TBL1XR1: variants seen among roughly 807,000 people sequenced by gnomAD.
TBL1XR1 encodes the protein TBL1X/Y related 1, also known as F-box-like/WD repeat-containing protein TBL1XR1.
TBL1XR1 carries 5 observed loss-of-function variants against 66.9 expected under a neutral mutation model. That is an observed-to-expected ratio of 0.07 (90% CI 0.04 to 0.16). The LOEUF (loss-of-function observed/expected upper bound fraction) is 0.16. Ranked by LOEUF, TBL1XR1 falls within the 10% of genes least tolerant of loss-of-function variation. The pLI is 1.00. For missense variants in TBL1XR1, 238 were observed against 623.2 expected (o/e 0.38, Z 6.58); for synonymous variants, 210 against 206.0 (o/e 1.02, Z -0.17).
intron 1 of TBL1XR1, among the ~76,000 whole-genome samples, chr3:177,180,020 T>A (rs1192792161): frequency 6.6e-6 from 1 of 151,930 alleles, no homozygotes; most frequent in Non-Finnish European, 1.5e-5. Flanking sequence ...CAGGCAATCA[T>A]GAGGTCAGGA....
intron 10 of TBL1XR1, among the ~76,000 whole-genome samples, chr3:177,044,209 AATAAC>A: frequency 6.6e-6 from 1 of 152,274 alleles, no homozygotes. Flanking sequence ...CTAGAAGTTT[AATAAC>A]ATATCTTCTG....
At chr3:177,068,883 T>C (rs1487291085) in intron 2 of TBL1XR1, among the ~76,000 whole-genome samples, 8 of 152,248 alleles carry the variant, frequency 5.3e-5, no homozygotes, top group African/African-American at 1.9e-4. Context: ...TGGACACTCT[T>C]TGCATGATCT....
intron 1 of TBL1XR1, among the ~76,000 whole-genome samples, chr3:177,157,250 T>G (rs1262984276): frequency 6.6e-6 from 1 of 152,200 alleles, no homozygotes; most frequent in East Asian, 1.9e-4. Context: ...CGGAGGCTCC[T>G]AAAGCAGATT....
intron 1 of TBL1XR1, chr3:177,136,144 T>A (rs1297653313): frequency 6.6e-6 from 1 of 152,132 alleles, no homozygotes; most frequent in African/African-American, 2.4e-5. Context: ...GTGCATCACA[T>A]GAAAGGCAAA....
intron 14 of TBL1XR1, chr3:177,032,273 A>C (rs1156365277): frequency 6.6e-6 from 1 of 152,218 alleles, no homozygotes; most frequent in Non-Finnish European, 1.5e-5. Flanking sequence ...GCATGTATGA[A>C]GTAATTTAAA....
At chr3:177,190,755 T>G (rs1336901680) in intron 1 of TBL1XR1, among the ~76,000 whole-genome samples, 1 of 152,214 alleles carries the variant, frequency 6.6e-6, no homozygotes, top group Non-Finnish European at 1.5e-5. Context: ...AAGAAGATGC[T>G]GCCACATTAC....
At chr3:177,198,947 A>G (rs942734249), upstream of TBL1XR1, among the ~76,000 whole-genome samples, 1 of 151,964 alleles carries the variant, frequency 6.6e-6, no homozygotes, top group Non-Finnish European at 1.5e-5. Flanking sequence ...TGGTGGCCTA[A>G]TAAGTTCAGT....
At position 177,034,294 on chromosome 3, in the gene TBL1XR1, T is replaced by C; in HGVS notation, c.1154A>G (p.His385Arg). 2 of 1,593,994 alleles carry C rather than the reference T, an allele frequency of 1.3e-6. No individual in the cohort carries two copies. Among genetic ancestry groups the C allele is most frequent in the Non-Finnish European group, 1.7e-6 (2 of 1,174,622 alleles). ...IWSMKQDNCVHDLQAHNKEIY... is the reference protein window; with the variant it reads ...IWSMKQDNCVRDLQAHNKEIY... ...TTCTTTATTATGTGCTTGCAAATCA[T>C]GGACACAATTGTCTTGTTTCATACT... is the stretch of plus-strand genomic sequence containing the variant. The change falls in exon 13 of 16, where the codon CAT becomes CGT. Residue 385 changes from histidine (H) to arginine (R), a missense_variant. Transcript: ENST00000457928.
At chr3:177,053,232 A>G (rs1295905244) in intron 4 of TBL1XR1, among the ~76,000 whole-genome samples, 1 of 152,244 alleles carries the variant, frequency 6.6e-6, no homozygotes. Context: ...CTCTGTCTCA[A>G]CTACTATTAT....
chr3:177,054,607 T>C (rs1717567211), intron 3 of TBL1XR1, among the ~76,000 whole-genome samples: 1 of 152,168 alleles, frequency 6.6e-6, no homozygotes, highest in Non-Finnish European at 1.5e-5. Context: ...AAATTCAGTA[T>C]TTTGGAGCTC....
At chr3:177,101,004 C>T (rs752924059) in intron 1 of TBL1XR1, among the ~76,000 whole-genome samples, 13 of 151,968 alleles carry the variant, frequency 8.6e-5, no homozygotes, top group Non-Finnish European at 1.5e-4. Flanking sequence ...TACCGGCACG[C>T]GCCACTACAC....
At chr3:177,098,963 T>A (rs891160958) in intron 1 of TBL1XR1, among the ~76,000 whole-genome samples, 5 of 152,212 alleles carry the variant, frequency 3.3e-5, no homozygotes, top group Non-Finnish European at 7.3e-5. Flanking sequence ...ACAATTTCAA[T>A]CAAAACTTAT....
At chr3:177,111,718 A>T (rs1478507741) in intron 1 of TBL1XR1, among the ~76,000 whole-genome samples, 1 of 152,120 alleles carries the variant, frequency 6.6e-6, no homozygotes, top group Non-Finnish European at 1.5e-5. Context: ...ACGTGTCAGG[A>T]ATCTCTTTGC....
chr3:177,138,101 G>A (rs1729206878), intron 1 of TBL1XR1, among the ~76,000 whole-genome samples: 2 of 152,144 alleles, frequency 1.3e-5, no homozygotes, highest in Non-Finnish European at 2.9e-5. Context: ...AGACATGAAA[G>A]GCTTTTCAAG....
intron 1 of TBL1XR1, among the ~76,000 whole-genome samples, chr3:177,172,613 C>T (rs574818627): frequency 1.2e-3 from 153 of 131,976 alleles, no homozygotes; most frequent in Middle Eastern, 4.2e-3. Context: ...AAGGCAAGAC[C>T]CTCATCTCAA....
At position 177,131,308 on chromosome 3, in the gene TBL1XR1, A is replaced by G. The variant is rs537865313; in HGVS notation, c.-121-32767T>C. On this transcript the variant is annotated intron_variant, in intron 1 of 15. Transcript: ENST00000457928. ...TTGCCTAATCATAAAGACCCTTAAG[A>G]GAGAGTCCAGGAAAAATAAAGAAAT... The G allele has an allele frequency of 1.1e-5, 11 of 983,852 alleles. No homozygotes were observed. The South Asian group carries it at 2.4e-4, about 21-fold the overall frequency. The allele number at this position is 983,852 out of a possible 1,614,324, so 60.9% of individuals were successfully genotyped here. A position where few individuals can be genotyped will look rare whatever the true frequency, so the allele number is the denominator to read the frequency against.
At position 177,020,650 on chromosome 3, in the gene TBL1XR1, A is replaced by T. The variant is rs1280946152; in HGVS notation, c.*4848T>A. ...AAGTAAAAGCAATTAAAATGTAAACAAACTGTAAACAAGAAATACCATCCC... is the reference window on the plus strand; with the variant it reads ...AAGTAAAAGCAATTAAAATGTAAACTAACTGTAAACAAGAAATACCATCCC... On this transcript the variant is annotated 3_prime_UTR_variant, in exon 16 of 16. Coordinates refer to ENST00000457928, the MANE Select transcript of TBL1XR1 (RefSeq NM_024665.7). 3 of 152,206 alleles carry T rather than the reference A, an allele frequency of 2.0e-5. No homozygotes were observed. Among genetic ancestry groups the T allele is most frequent in the Non-Finnish European group, 4.4e-5 (3 of 68,002 alleles). 9.4% of individuals were successfully genotyped at this position (152,206 alleles called of 1,614,324 possible). A position where few individuals can be genotyped will look rare whatever the true frequency, so the allele number is the denominator to read the frequency against.
In TBL1XR1 at chr3:177,192,092, C is replaced by CAAAAA. The variant is rs34461843; in HGVS notation, c.-122+5024_-122+5028dup. On this transcript the variant is annotated intron_variant, in intron 1 of 15. Coordinates refer to ENST00000457928, the MANE Select transcript of TBL1XR1 (RefSeq NM_024665.7). ...TGGGTGACAGAGCAAGACTCTGTCTCAAAAAAAAAAAAAAAAGAGTTGAAG... is the reference window on the plus strand; with the variant it reads ...TGGGTGACAGAGCAAGACTCTGTCTCAAAAAAAAAAAAAAAAAAAAAGAGTTGAAG... Among the ~76,000 whole-genome samples, 5 of 64,600 alleles carry CAAAAA rather than the reference C, an allele frequency of 7.7e-5. No individual in the cohort carries two copies. The South Asian group carries it at 1.6e-3, about 20-fold the overall frequency. 42.4% of individuals were successfully genotyped at this position (64,600 alleles called of 152,430 possible).
chr3:177,086,405 A>T (rs755288263), intron 2 of TBL1XR1, among the ~76,000 whole-genome samples: 1 of 152,030 alleles, frequency 6.6e-6, no homozygotes, highest in African/African-American at 2.4e-5. Context: ...GTCTAAATAC[A>T]GACATGAAAC....
Sources: gnomAD v4.1 joint callset for allele counts (sites outside exome capture counted in the v4.1 genomes callset) on GRCh38, gnomAD v4.1.1 for gene constraint, MANE v1.5 for transcripts, NCBI Gene and HGNC (gene_info 2026-07-23, HGNC 2026-07-21) for gene names.